The following ZBTB10 variants were observed in gnomAD, a reference collection of about 807,000 sequenced individuals.
ZBTB10 encodes the protein zinc finger and BTB domain containing 10.
ZBTB10 carries 32 observed loss-of-function variants against 76.4 expected under a neutral mutation model. That is an observed-to-expected ratio of 0.42 (90% CI 0.32 to 0.56). The LOEUF is 0.56. Among genes scored for constraint, ZBTB10 ranks in the 20% least tolerant of loss-of-function variants. ZBTB10 has a pLI of 0.14. For missense variants in ZBTB10, 1,057 were observed against 1,098.5 expected (o/e 0.96, Z 0.53); for synonymous variants, 523 against 432.9 (o/e 1.21, Z -2.58).
At chr8:80,517,624 C>A (rs574668651) in intron 3 of ZBTB10, among the ~76,000 whole-genome samples, 147 of 152,110 alleles carry the variant, frequency 9.7e-4, no homozygotes, top group Admixed American at 2.4e-3. Flanking sequence ...TATATATATT[C>A]TTTATTCTTA....
rs991058059 is a variant in ZBTB10, at chr8:80,486,443, G to A, written c.-368G>A. 2 of 985,012 alleles carry A rather than the reference G, an allele frequency of 2.0e-6. No homozygotes were observed. The highest frequency in any genetic ancestry group is 1.8e-5 in the African/African-American group (1 of 57,124). 61.0% of individuals were successfully genotyped at this position (985,012 alleles called of 1,614,324 possible). A position where few individuals can be genotyped will look rare whatever the true frequency, so the allele number is the denominator to read the frequency against. On this transcript the variant is annotated 5_prime_UTR_variant, in exon 1 of 6. Transcript: ENST00000455036. The stretch of plus-strand genomic sequence containing the variant: ...GCGCGGCTTTAAAGAGGGGGCAGCG[G>A]AGGGTCTCCCCGCACTCCGCTGCTC...
chr8:80,515,523 A>AT (rs1395872406), intron 3 of ZBTB10, among the ~76,000 whole-genome samples: 1 of 152,108 alleles, frequency 6.6e-6, no homozygotes, highest in East Asian at 1.9e-4. Flanking sequence ...AATTTTAAAG[A>AT]TTTTTTTGCT....
Position 80,486,658 on chromosome 8 carries a change from G to C in ZBTB10, c.-153G>C. The C allele has an allele frequency of 4.0e-6, 4 of 989,140 alleles. No homozygotes were observed. Among genetic ancestry groups the C allele is most frequent in the Non-Finnish European group, 3.6e-6 (3 of 832,564 alleles). 61.3% of individuals were successfully genotyped at this position (989,140 alleles called of 1,614,324 possible). A position where few individuals can be genotyped will look rare whatever the true frequency, so the allele number is the denominator to read the frequency against. On this transcript the variant is annotated 5_prime_UTR_variant, in exon 1 of 6. Transcript: ENST00000455036. Reference sequence around the variant, plus strand: ...CAGACCCGGGAGCGAGCGCGAGCCGGGCTGCCGGGCGAGAGGGCGAGGCCG... The same window carrying C: ...CAGACCCGGGAGCGAGCGCGAGCCGCGCTGCCGGGCGAGAGGGCGAGGCCG...
At position 80,496,685 on chromosome 8, in the gene ZBTB10, C is replaced by A. The variant is rs199807990; in HGVS notation, c.973-2809C>A. Reference sequence around the variant, plus strand: ...GCACTGGCCCAGAAAATTCAGGGTGCAGTGACCATAGCGTGTTATGACTGC... The same window carrying A: ...GCACTGGCCCAGAAAATTCAGGGTGAAGTGACCATAGCGTGTTATGACTGC... On this transcript the variant is annotated intron_variant, in intron 1 of 5. Transcript: ENST00000455036. Among the ~76,000 whole-genome samples the A allele has an allele frequency of 6.6e-5, 10 of 152,248 alleles. No individual in the cohort carries two copies. In the East Asian group the frequency reaches 1.7e-3, roughly 26 times the overall value.
intron 2 of ZBTB10, among the ~76,000 whole-genome samples, chr8:80,506,704 T>A (rs923056626): frequency 3.3e-5 from 5 of 152,198 alleles, no homozygotes; most frequent in Admixed American, 1.3e-4. Flanking sequence ...AGGGTGCTAC[T>A]CCAGACCCCA....
Position 80,486,817 on chromosome 8 carries a change from T to C in ZBTB10, c.7T>C (p.Phe3Leu). Residue 3 changes from phenylalanine (F) to leucine (L), a missense_variant, in exon 1 of 6, where the codon TTC becomes CTC. Phe to Leu is a conservative substitution (Grantham distance 22). Around this residue, in one of 5 missense-constraint regions of ZBTB10, gnomAD observed 556 missense variants for 451.7 expected, o/e 1.23. Transcript: ENST00000455036. The part of the protein sequence containing the change: MS[F>L]SEMNRRTLAF... ...GGCGGCGGCGGCGCGCGCCATGTCG[T>C]TCAGTGAAATGAACCGCAGGACGCT... The C allele has an allele frequency of 1.0e-5, 15 of 1,461,784 alleles. No homozygotes were observed. The highest frequency in any genetic ancestry group is 1.4e-5 in the Non-Finnish European group (15 of 1,109,602). 90.6% of individuals were successfully genotyped at this position (1,461,784 alleles called of 1,614,324 possible).
intron 1 of ZBTB10, among the ~76,000 whole-genome samples, chr8:80,494,089 A>G (rs1815720171): frequency 6.6e-6 from 1 of 152,250 alleles, no homozygotes; most frequent in African/African-American, 2.4e-5. Flanking sequence ...AATTTGTTCT[A>G]AAATTTGGAA....
chr8:80,495,416 T>TG (rs200209409), intron 1 of ZBTB10, among the ~76,000 whole-genome samples: 23 of 146,924 alleles, frequency 1.6e-4, no homozygotes, highest in African/African-American at 4.7e-4. Flanking sequence ...GTTTTGTTGT[T>TG]TTTTTTTTTT....
At chr8:80,498,276 G>C (rs1026475954) in intron 1 of ZBTB10, among the ~76,000 whole-genome samples, 1 of 152,090 alleles carries the variant, frequency 6.6e-6, no homozygotes, top group Admixed American at 6.5e-5. Context: ...TTACACTCTA[G>C]TGTTTATTTC....
Position 80,486,495 on chromosome 8 carries a change from G to A in ZBTB10, c.-316G>A. 2.0e-6 allele frequency: 2 copies of A among 985,380 alleles called. No homozygotes were observed. Among genetic ancestry groups the A allele is most frequent in the Non-Finnish European group, 2.4e-6 (2 of 830,078 alleles). 61.0% of individuals were successfully genotyped at this position (985,380 alleles called of 1,614,324 possible). On this transcript the variant is annotated 5_prime_UTR_variant, in exon 1 of 6. Coordinates refer to ENST00000455036, the MANE Select transcript of ZBTB10 (RefSeq NM_001105539.3). ...ACTTCGAAGGCCTCGCTCGCTGCAG[G>A]CTCGCTCCTCACCTCTCCGCCGCCC...
In ZBTB10 at chr8:80,521,825, A is replaced by C. The variant is rs1175418795; in HGVS notation, c.*2297A>C. The stretch of plus-strand genomic sequence containing the variant: ...TGGTTTTAGTTGGAAATAAGGTTTG[A>C]TGTAGATGGCTTGTTACTGTTAATT... On this transcript the variant is annotated 3_prime_UTR_variant, in exon 6 of 6. Transcript: ENST00000455036. 1 of 151,820 alleles carries C rather than the reference A, an allele frequency of 6.6e-6. No individual in the cohort carries two copies. The highest frequency in any genetic ancestry group is 1.5e-5 in the Non-Finnish European group (1 of 67,770). 9.4% of individuals were successfully genotyped at this position (151,820 alleles called of 1,614,324 possible).
At chr8:80,514,068 C>A in intron 3 of ZBTB10, 60 bp downstream of exon 3, 1 of 1,447,240 alleles carries the variant, frequency 6.9e-7, no homozygotes, top group East Asian at 2.3e-5. Context: ...TACATCTTAC[C>A]TGCAGCCTAG....
At chr8:80,489,508 C>T (rs1815568953) in intron 1 of ZBTB10, among the ~76,000 whole-genome samples, 1 of 152,190 alleles carries the variant, frequency 6.6e-6, no homozygotes, top group Non-Finnish European at 1.5e-5. Flanking sequence ...TCTTTATCAG[C>T]ATAGTCTCTC....
chr8:80,513,667 C>T (rs1470491206), intron 2 of ZBTB10, among the ~76,000 whole-genome samples: 1 of 152,162 alleles, frequency 6.6e-6, no homozygotes, highest in Admixed American at 6.5e-5. Context: ...GGTCACATAG[C>T]CTGTAACAGA....
intron 1 of ZBTB10, 58 bp from the exon 2 acceptor site, chr8:80,499,436 T>G: frequency 6.8e-7 from 1 of 1,464,766 alleles, no homozygotes; most frequent in Non-Finnish European, 9.1e-7. Context: ...TTCCTTGGTT[T>G]GGGAGTTTTT....
At chr8:80,506,570 C>G (rs534809353) in intron 2 of ZBTB10, among the ~76,000 whole-genome samples, 23 of 133,362 alleles carry the variant, frequency 1.7e-4, no homozygotes, top group South Asian at 1.0e-3. Context: ...CCACCCCCCC[C>G]CCAACCCCCG....
In ZBTB10 at chr8:80,518,522, G is replaced by T; in HGVS notation, c.2080G>T (p.Asp694Tyr). The change falls in exon 4 of 6, where the codon GAT (aspartate) becomes TAT (tyrosine). Residue 694 changes from aspartate to tyrosine, a missense_variant. Physicochemically the swap from Asp to Tyr is radical, Grantham distance 160. Transcript: ENST00000455036. ...KYGLIPGASNDFKYGLLPESW... is the reference protein window; with the variant it reads ...KYGLIPGASNYFKYGLLPESW... ...TGGATTGATACCAGGTGCTTCAAAT[G>T]ATTTCAAGTATGGATTATTGCCAGA... is the stretch of plus-strand genomic sequence containing the variant. 1 of 1,553,420 alleles carries T rather than the reference G, an allele frequency of 6.4e-7. No individual in the cohort carries two copies. The highest frequency in any genetic ancestry group is 8.7e-7 in the Non-Finnish European group (1 of 1,147,950).
chr8:80,487,643 C>A lies in ZBTB10; in HGVS notation c.833C>A (p.Thr278Asn), dbSNP rs777104297. The stretch of plus-strand genomic sequence containing the variant: ...ATGTCTTGCGGCTGGTGCCAAAAGA[C>A]CCCTGCAGATGGGGGAAGCGTGGAC... ...GLMSCGWCQK[T>N]PADGGSVDLP... is the part of the protein sequence containing the mutation. Residue 278 changes from threonine (T) to asparagine (N), a missense_variant, in exon 1 of 6, where the codon ACC becomes AAC. Thr to Asn is a moderately conservative substitution (Grantham distance 65). This residue lies in a region of ZBTB10 where 556 missense variants were observed against 451.7 expected (regional missense o/e 1.23). Transcript: ENST00000455036. 6.2e-7 allele frequency: 1 copy of A among 1,613,792 alleles called. No homozygotes were observed. The highest frequency in any genetic ancestry group is 8.5e-7 in the Non-Finnish European group (1 of 1,179,850).
At position 80,524,732 on chromosome 8, in the gene ZBTB10, A is replaced by T. The variant is rs1816516636; in HGVS notation, c.*5204A>T. ...TATCATGAGGCAGAAGAATTAAGAA[A>T]CTTTATATGTTTCTAAGGGGTCATG... On this transcript the variant is annotated 3_prime_UTR_variant, in exon 6 of 6. Transcript: ENST00000455036. 1 of 152,050 alleles carries T rather than the reference A, an allele frequency of 6.6e-6. No homozygotes were observed. The highest frequency in any genetic ancestry group is 2.1e-4 in the South Asian group (1 of 4,820). 9.4% of individuals were successfully genotyped at this position (152,050 alleles called of 1,614,324 possible).
Sources: allele counts gnomAD v4.1 joint callset (sites outside exome capture counted in the v4.1 genomes callset), GRCh38; gene constraint gnomAD v4.1.1; regional missense constraint gnomAD v4.1.1; transcripts MANE v1.5; gene names NCBI Gene and HGNC (gene_info 2026-07-23, HGNC 2026-07-21).